CDKL5: variants seen among roughly 807,000 people sequenced by gnomAD.
CDKL5 encodes cyclin-dependent kinase-like 5.
A neutral mutation model predicts 61.7 loss-of-function variants in CDKL5; 8 were observed. That is an observed-to-expected ratio of 0.13 (90% CI 0.08 to 0.23). CDKL5 has a LOEUF of 0.23. Ranked by LOEUF, CDKL5 falls within the 10% of genes least tolerant of loss-of-function variation. The pLI is 1.00. For synonymous variants in CDKL5, 275 were observed against 272.3 expected, an observed-to-expected ratio of 1.01 and a Z score of -0.10; for missense variants, 440 against 734.5, an observed-to-expected ratio of 0.60 and a Z score of 4.63.
At chrX:18,512,441 A>T (rs1922861517) in intron 3 of CDKL5, among the ~76,000 whole-genome samples, 1 of 111,603 alleles carries the variant, frequency 9.0e-6, no homozygotes, top group African/African-American at 3.2e-5. Context: ...CCTATTGTAC[A>T]AAATACTACC....
intron 16 of CDKL5, among the ~76,000 whole-genome samples, chrX:18,622,753 TG>T (rs1188269057): frequency 3.6e-5 from 4 of 111,407 alleles, no homozygotes; most frequent in African/African-American, 1.3e-4. Flanking sequence ...CATAATCAAC[TG>T]GGAGAACCAG....
Position 18,533,507 on chromosome X carries a change from T to C in CDKL5, c.99+22653T>C, listed in dbSNP as rs764416879. ...AACCCACAAGAATGAACACAATGTA[T>C]AGTAATATAGTCTTAACAAAATAGC... On this transcript the variant is annotated intron_variant, in intron 3 of 17. Coordinates refer to ENST00000623535, the MANE Select transcript of CDKL5 (RefSeq NM_001323289.2). 4.5e-5 allele frequency among the ~76,000 whole-genome samples: 5 copies of C among 111,791 alleles called. No individual in the cohort carries two copies. In the South Asian group the frequency reaches 1.9e-3, roughly 42 times the overall value.
At chrX:18,588,495 A>C (rs1925716505) in intron 9 of CDKL5, 1 of 166,810 alleles carries the variant, frequency 6.0e-6, no homozygotes, top group African/African-American at 3.2e-5. Context: ...TGTTGAACAA[A>C]CATATTTGTA....
intron 3 of CDKL5, among the ~76,000 whole-genome samples, chrX:18,559,843 C>G (rs1455650619): frequency 7.6e-5 from 7 of 92,631 alleles, no homozygotes; most frequent in Non-Finnish European, 1.2e-4. Flanking sequence ...TCCATGTGTT[C>G]TCATTGTTCA....
chrX:18,429,827 G>A (rs1200937561), intron 1 of CDKL5, among the ~76,000 whole-genome samples: 4 of 111,223 alleles, frequency 3.6e-5, no homozygotes, highest in Non-Finnish European at 5.7e-5. Flanking sequence ...TAATAGAGGC[G>A]GGGTCTCATG....
Position 18,536,405 on chromosome X carries a change from C to T in CDKL5, c.99+25551C>T, listed in dbSNP as rs960285379. 8.1e-4 allele frequency among the ~76,000 whole-genome samples: 65 copies of T among 80,206 alleles called. 1 individual carries two copies. The highest frequency in any genetic ancestry group is 3.0e-3 in the African/African-American group (63 of 20,745). The allele number at this position is 80,206 out of a possible 115,157, so 69.6% of individuals were successfully genotyped here. On this transcript the variant is annotated intron_variant, in intron 3 of 17. Coordinates refer to ENST00000623535, the MANE Select transcript of CDKL5 (RefSeq NM_001323289.2). Reference sequence around the variant, plus strand: ...GACCTAGTTCATCATATTACAAGTTCTAGAGAGTATTATTTATTCAATACA... The same window carrying T: ...GACCTAGTTCATCATATTACAAGTTTTAGAGAGTATTATTTATTCAATACA...
intron 11 of CDKL5, among the ~76,000 whole-genome samples, chrX:18,601,036 C>G (rs1166953688): frequency 9.0e-6 from 1 of 111,646 alleles, no homozygotes; most frequent in Admixed American, 9.5e-5. Context: ...ACGATGGCTC[C>G]CTAAGACTTC....
chrX:18,459,713 T>G (rs1932232764), intron 1 of CDKL5, among the ~76,000 whole-genome samples: 1 of 81,091 alleles, frequency 1.2e-5, no homozygotes, highest in South Asian at 6.9e-4. Context: ...TTTTTTTTTT[T>G]TTTTTTTTTT....
intron 3 of CDKL5, among the ~76,000 whole-genome samples, chrX:18,534,417 C>T (rs1399361158): frequency 2.7e-5 from 3 of 111,431 alleles, no homozygotes; most frequent in African/African-American, 9.8e-5. Flanking sequence ...TTTCTTGATT[C>T]CTTTCTGAAT....
chrX:18,583,836 G>A (rs2147145265), intron 7 of CDKL5, among the ~76,000 whole-genome samples: 1 of 112,171 alleles, frequency 8.9e-6, no homozygotes, highest in Admixed American at 9.4e-5. Flanking sequence ...TGCAAATACT[G>A]TGTAAGTGCC....
In CDKL5 at chrX:18,565,227, T is replaced by C. The variant is rs777543726; in HGVS notation, c.145+705T>C. ...TGATAACAAAAATAGGTATGGCCTT[T>C]AAGGTGCTCTAGACAACATTTTTTT... On this transcript the variant is annotated intron_variant, in intron 4 of 17. Coordinates refer to ENST00000623535, the MANE Select transcript of CDKL5 (RefSeq NM_001323289.2). Among the ~76,000 whole-genome samples the C allele has an allele frequency of 1.2e-4, 13 of 112,016 alleles. No homozygotes were observed. In the East Asian group the frequency reaches 3.6e-3, roughly 31 times the overall value.
chrX:18,509,091 A>AACACACAC lies in CDKL5; in HGVS notation c.65-1699_65-1692dup, dbSNP rs34278137. On this transcript the variant is annotated intron_variant, in intron 2 of 17. Coordinates refer to ENST00000623535, the MANE Select transcript of CDKL5 (RefSeq NM_001323289.2). ...TGATGAGAGAGCGAGACTGTCTCAAAACACACACACACACACACACACACA... is the reference window on the plus strand; with the variant it reads ...TGATGAGAGAGCGAGACTGTCTCAAAACACACACACACACACACACACACACACACACA... 1.2e-3 allele frequency among the ~76,000 whole-genome samples: 91 copies of AACACACAC among 74,877 alleles called. 2 individuals are homozygous for AACACACAC. Among genetic ancestry groups the AACACACAC allele is most frequent in the Admixed American group, 0.01 (68 of 6,711 alleles). 65.0% of individuals were successfully genotyped at this position (74,877 alleles called of 115,157 possible).
intron 21 of CDKL5, among the ~76,000 whole-genome samples, chrX:18,652,075 CACT>C (rs749732264): frequency 1.6e-3 from 183 of 111,087 alleles, no homozygotes; most frequent in African/African-American, 5.8e-3. Flanking sequence ...AGGCATACTT[CACT>C]GCCATCTCCC....
intron 1 of CDKL5, among the ~76,000 whole-genome samples, chrX:18,445,733 C>T (rs1424752852): frequency 1.8e-5 from 2 of 111,425 alleles, no homozygotes; most frequent in Non-Finnish European, 3.8e-5. Flanking sequence ...GGAGAAGGTG[C>T]CTGCTTCCCC....
At chrX:18,492,766 T>C (rs971368050) in intron 1 of CDKL5, among the ~76,000 whole-genome samples, 1 of 112,194 alleles carries the variant, frequency 8.9e-6, no homozygotes, top group Non-Finnish European at 1.9e-5. Flanking sequence ...GCTTCCTAGC[T>C]GTTCTACCCC....
Position 18,634,244 on chromosome X carries a change from C to A in CDKL5, c.*5487C>A, listed in dbSNP as rs757380264. 3 of 753,372 alleles carry A rather than the reference C, an allele frequency of 4.0e-6. No individual in the cohort carries two copies. The highest frequency in any genetic ancestry group is 4.7e-6 in the Non-Finnish European group (3 of 638,554). The allele number at this position is 753,372 out of a possible 1,213,427, so 62.1% of individuals were successfully genotyped here. A position where few individuals can be genotyped will look rare whatever the true frequency, so the allele number is the denominator to read the frequency against. ...CCTCCATCCCCCCTGTTTTGACAGA[C>A]TGCTAAGAATTCCTCAGGACTTCCT... On this transcript the variant is annotated 3_prime_UTR_variant, in exon 18 of 18. Transcript: ENST00000623535.
At position 18,636,675 on chromosome X, in the gene CDKL5, T is replaced by TA. The variant is rs1176133056; in HGVS notation, c.*7923dup. 1 of 111,502 alleles carries TA rather than the reference T, an allele frequency of 9.0e-6. No individual in the cohort carries two copies. Among genetic ancestry groups the TA allele is most frequent in the African/African-American group, 3.3e-5 (1 of 30,654 alleles). The allele number at this position is 111,502 out of a possible 1,213,427, so 9.2% of individuals were successfully genotyped here. A position where few individuals can be genotyped will look rare whatever the true frequency, so the allele number is the denominator to read the frequency against. ...AAACAGTTTCCAACACAGGTTATAT[T>TA]AAAAACTTTGCCTGAAGTTTACTCT... On this transcript the variant is annotated 3_prime_UTR_variant, in exon 18 of 18. Transcript: ENST00000623535.
At position 18,492,800 on chromosome X, in the gene CDKL5, G is replaced by A. The variant is rs752602064; in HGVS notation, c.-162-14135G>A. ...CCAAAACTGATGTCTCCCGTTCCAG[G>A]TACTGAGCCATTCTCTACTCTGTAG... On this transcript the variant is annotated intron_variant, in intron 1 of 17. Transcript: ENST00000623535. 5.4e-5 allele frequency among the ~76,000 whole-genome samples: 6 copies of A among 111,932 alleles called. No individual in the cohort carries two copies. The East Asian group carries it at 1.4e-3, about 26-fold the overall frequency.
chrX:18,533,650 G>C (rs1297096927), intron 3 of CDKL5, among the ~76,000 whole-genome samples: 3 of 111,703 alleles, frequency 2.7e-5, no homozygotes, highest in African/African-American at 9.8e-5. Context: ...TGAGGGAGCA[G>C]CAGCTCATTT....
Sources: allele counts gnomAD v4.1 joint callset (sites outside exome capture counted in the v4.1 genomes callset), GRCh38; gene constraint gnomAD v4.1.1; transcripts MANE v1.5; gene names NCBI Gene and HGNC (gene_info 2026-07-23, HGNC 2026-07-21).